The following PCDHGA2 variants were observed in gnomAD, a reference collection of about 807,000 sequenced individuals.
PCDHGA2 encodes protocadherin gamma subfamily A, 2.
In PCDHGA2, 40 loss-of-function variants were observed where a neutral mutation model predicts 59.2. The observed-to-expected ratio is 0.68, with a 90% confidence interval of 0.52 to 0.88. PCDHGA2 has a LOEUF of 0.88. Ranked by LOEUF, PCDHGA2 falls within the 40% of genes least tolerant of loss-of-function variation. The pLI, the probability that PCDHGA2 is intolerant of heterozygous loss-of-function variation, is 0.00. For synonymous variants in PCDHGA2, 560 were observed against 526.0 expected (o/e 1.06, Z -0.89); for missense variants, 1,226 against 1,204.0 (o/e 1.02, Z -0.27).
At chr5:141,351,685 G>T (rs376017038) in intron 1 of PCDHGA2, 3 of 1,613,948 alleles carry the variant, frequency 1.9e-6, no homozygotes, top group East Asian at 4.5e-5. Flanking sequence ...CCTCCGACCC[G>T]GATTTGGGAC....
At chr5:141,465,094 GT>G (rs138941665) in intron 1 of PCDHGA2, among the ~76,000 whole-genome samples, 203 of 148,178 alleles carry the variant, frequency 1.4e-3, no homozygotes, top group Admixed American at 7.3e-3. Context: ...TTTTCTAGTA[GT>G]TTTTTTTTTA....
chr5:141,440,056 G>A, intron 1 of PCDHGA2: 1 of 152,648 alleles, frequency 6.6e-6, no homozygotes, highest in East Asian at 1.9e-4. Flanking sequence ...GAAAGCTTCG[G>A]GTTAATGCTG....
chr5:141,430,108 G>A (rs572634913), intron 1 of PCDHGA2, among the ~76,000 whole-genome samples: 1 of 152,190 alleles, frequency 6.6e-6, no homozygotes, highest in South Asian at 2.1e-4. Context: ...AGCGTTACAT[G>A]TCAACAACCT....
intron 1 of PCDHGA2, chr5:141,367,537 A>AAAGTAAAT (rs373624904): frequency 1.5e-4 from 22 of 147,524 alleles, no homozygotes; most frequent in African/African-American, 5.5e-4. Context: ...ACTCCGTCTC[A>AAAGTAAAT]AAATAAATAA....
At chr5:141,425,491 C>G (rs1243033082) in intron 1 of PCDHGA2, among the ~76,000 whole-genome samples, 1 of 152,200 alleles carries the variant, frequency 6.6e-6, no homozygotes, top group Non-Finnish European at 1.5e-5. Context: ...ACCTACTAGG[C>G]TATACCTTTA....
intron 1 of PCDHGA2, chr5:141,375,578 G>A (rs2150062565): frequency 1.9e-6 from 3 of 1,614,062 alleles, no homozygotes; most frequent in Non-Finnish European, 2.5e-6. Context: ...CCTCCAGGGG[G>A]CGCCCCTGTC....
chr5:141,347,696 A>G (rs573107838), intron 1 of PCDHGA2, among the ~76,000 whole-genome samples: 1 of 152,166 alleles, frequency 6.6e-6, no homozygotes, highest in East Asian at 1.9e-4. Context: ...CTGAGGCAGA[A>G]GAATTGCTTA....
intron 1 of PCDHGA2, chr5:141,362,219 C>A (rs368538544): frequency 6.2e-7 from 1 of 1,614,034 alleles, no homozygotes; most frequent in Non-Finnish European, 8.5e-7. Context: ...CTGGTTGTGG[C>A]CTTGGCCTTG....
At chr5:141,481,913 C>CAAAAAA (rs34114744) in intron 1 of PCDHGA2, among the ~76,000 whole-genome samples, 2 of 90,846 alleles carry the variant, frequency 2.2e-5, no homozygotes, top group Non-Finnish European at 4.4e-5. Flanking sequence ...AACTCCATCT[C>CAAAAAA]AAAAAAAAAA....
intron 2 of PCDHGA2, among the ~76,000 whole-genome samples, chr5:141,504,351 G>C (rs77439649): frequency 0.021 from 3,233 of 152,120 alleles, 109 homozygotes; most frequent in African/African-American, 0.075. Context: ...CTTTGTGCTA[G>C]GTGCTTCAGT....
rs936419038 is a variant in PCDHGA2 at position 141,493,313 on chromosome 5, G to T, written c.2425-1494G>T. On this transcript the variant is annotated intron_variant, in intron 1 of 3. Transcript: ENST00000394576. This position sits in a 1 kb window ranked among gnomAD's most constrained non-coding sequence, Gnocchi z 4.3. ...TCAAGTTCACAGAGCAAGTAAGAGA[G>T]ATTCTAACCCCTGTCTAACTCCAGA... Among the ~76,000 whole-genome samples, 4 of 152,214 alleles carry T rather than the reference G, an allele frequency of 2.6e-5. No individual in the cohort carries two copies. Among genetic ancestry groups the T allele is most frequent in the Non-Finnish European group, 4.4e-5 (3 of 68,040 alleles).
At chr5:141,437,187 G>A (rs1055878763) in intron 1 of PCDHGA2, among the ~76,000 whole-genome samples, 1 of 152,148 alleles carries the variant, frequency 6.6e-6, no homozygotes, top group Non-Finnish European at 1.5e-5. Context: ...ACTGGGCAAT[G>A]GGTTTGGATG....
In PCDHGA2 at chr5:141,413,886, C is replaced by T. The variant is rs916273509; in HGVS notation, c.2424+72491C>T. The T allele has an allele frequency of 8.7e-6, 14 of 1,613,202 alleles. No homozygotes were observed. The African/African-American group carries it at 1.7e-4, about 20-fold the overall frequency. On this transcript the variant is annotated intron_variant, in intron 1 of 3. Transcript: ENST00000394576. ...CTGTCCTTGTCAGTGTGACTGTCTT[C>T]GATGCAAATGACAACGCGCCGGTCT...
intron 1 of PCDHGA2, chr5:141,356,922 T>A: frequency 6.2e-7 from 1 of 1,613,632 alleles, no homozygotes; most frequent in Non-Finnish European, 8.5e-7. Flanking sequence ...GCTCCACTGG[T>A]GTGGAGCTGG....
At position 141,432,902 on chromosome 5, in the gene PCDHGA2, A is replaced by C. The variant is rs992417865; in HGVS notation, c.2425-61905A>C. The C allele has an allele frequency of 1.2e-6, 2 of 1,614,028 alleles. No homozygotes were observed. The highest frequency in any genetic ancestry group is 2.7e-5 in the African/African-American group (2 of 74,924). On this transcript the variant is annotated intron_variant, in intron 1 of 3. Coordinates refer to ENST00000394576, the MANE Select transcript of PCDHGA2 (RefSeq NM_018915.4). The surrounding 1 kb of genome is among the most constrained non-coding windows in gnomAD (Gnocchi z 6.0). ...CTTCGTCATCTTGCTGCTGGCGCTCAGGCTGCGGCGCTGGCACAAGTCACG... is the reference window on the plus strand; with the variant it reads ...CTTCGTCATCTTGCTGCTGGCGCTCCGGCTGCGGCGCTGGCACAAGTCACG...
rs775752238 is a variant in PCDHGA2 at position 141,361,764 on chromosome 5, C to T, written c.2424+20369C>T. On this transcript the variant is annotated intron_variant, in intron 1 of 3. Coordinates refer to ENST00000394576, the MANE Select transcript of PCDHGA2 (RefSeq NM_018915.4). ...GCGACCAGGGCTCGCCCGCGCTCAG[C>T]GCCAACGTGAGCCTGCGCGTGTTAG... 9 of 1,613,132 alleles carry T rather than the reference C, an allele frequency of 5.6e-6. No individual in the cohort carries two copies. The Admixed American group carries it at 1.5e-4, about 27-fold the overall frequency.
At chr5:141,381,012 AC>A (rs1776931879) in intron 1 of PCDHGA2, among the ~76,000 whole-genome samples, 1 of 152,354 alleles carries the variant, frequency 6.6e-6, no homozygotes, top group South Asian at 2.1e-4. Context: ...CATCTATAAT[AC>A]CTCTATTAGT....
At chr5:141,478,795 C>T (rs919747545) in intron 1 of PCDHGA2, 7 of 1,468,056 alleles carry the variant, frequency 4.8e-6, no homozygotes, top group Non-Finnish European at 6.3e-6. Flanking sequence ...ACATCCTCAG[C>T]ACTCTTTTGC....
At chr5:141,350,387 T>G in intron 1 of PCDHGA2, 1 of 1,596,080 alleles carries the variant, frequency 6.3e-7, no homozygotes. Flanking sequence ...AGCCAACGGC[T>G]CACGGGTGGG....
Sources: allele counts gnomAD v4.1 joint callset (sites outside exome capture counted in the v4.1 genomes callset), GRCh38; gene constraint gnomAD v4.1.1; non-coding constraint Gnocchi (gnomAD v3.1); transcripts MANE v1.5; gene names NCBI Gene and HGNC (gene_info 2026-07-23, HGNC 2026-07-21).